The following SLC22A23 variants were observed in gnomAD, a reference collection of about 807,000 sequenced individuals.
The protein encoded by SLC22A23 is solute carrier family 22 member 23, also known as ion transporter protein.
In SLC22A23, 26 loss-of-function variants were observed where a neutral mutation model predicts 61.0. The ratio of observed to expected loss-of-function variants is 0.43; its 90% confidence interval spans 0.31 to 0.59. The LOEUF is 0.59. Ranked by LOEUF, SLC22A23 falls within the 20% of genes least tolerant of loss-of-function variation. SLC22A23 has a pLI of 0.11. For synonymous variants in SLC22A23, 430 were observed against 413.9 expected (o/e 1.04, Z -0.47); for missense variants, 796 against 934.7 (o/e 0.85, Z 1.94).
At chr6:3,418,637 C>T (rs1352129588) in intron 1 of SLC22A23, among the ~76,000 whole-genome samples, 1 of 152,208 alleles carries the variant, frequency 6.6e-6, no homozygotes, top group Non-Finnish European at 1.5e-5. Context: ...CTGGGCTTCC[C>T]CCTGGGGAGG....
rs1054182958 is a variant in SLC22A23, at chr6:3,304,111, C to T, written c.1083-5893G>A. ...TGTTCCCCTTTCTTATCTGGGCCCA[C>T]GGAGCCCTTGCCCTTCAGGAGAAAA... is the stretch of plus-strand genomic sequence containing the variant. On this transcript the variant is annotated intron_variant, in intron 4 of 9. Coordinates refer to ENST00000406686, the MANE Select transcript of SLC22A23 (RefSeq NM_015482.2). The surrounding 1 kb of genome is among the most constrained non-coding windows in gnomAD (Gnocchi z 4.3). 6.6e-5 allele frequency among the ~76,000 whole-genome samples: 10 copies of T among 152,172 alleles called. No individual in the cohort carries two copies. The highest frequency in any genetic ancestry group is 3.9e-4 in the East Asian group (2 of 5,184).
intron 3 of SLC22A23, among the ~76,000 whole-genome samples, chr6:3,361,059 C>G (rs1173923164): frequency 1.7e-5 from 1 of 58,692 alleles, no homozygotes; most frequent in Admixed American, 1.4e-4. Context: ...TTTCTACCCA[C>G]CCCCCCCATT....
intron 4 of SLC22A23, chr6:3,311,527 T>G (rs1266285063): frequency 6.6e-6 from 1 of 152,198 alleles, no homozygotes; most frequent in Non-Finnish European, 1.5e-5. Context: ...CCACTTGGAT[T>G]TTTTAAACGT....
intron 3 of SLC22A23, among the ~76,000 whole-genome samples, chr6:3,378,214 G>A (rs750034933): frequency 7.2e-5 from 11 of 152,134 alleles, no homozygotes; most frequent in East Asian, 3.8e-4. Context: ...GCCTTTGGTC[G>A]TTTTCCCTCC....
At chr6:3,289,570 C>CT (rs1760374553) in intron 6 of SLC22A23, among the ~76,000 whole-genome samples, 194 bp downstream of exon 6, 1 of 152,218 alleles carries the variant, frequency 6.6e-6, no homozygotes, top group Non-Finnish European at 1.5e-5. Flanking sequence ...CACGCCTGGG[C>CT]TGGGGGGCAC....
At chr6:3,369,722 G>C (rs181066185) in intron 3 of SLC22A23, among the ~76,000 whole-genome samples, 1 of 151,410 alleles carries the variant, frequency 6.6e-6, no homozygotes, top group Non-Finnish European at 1.5e-5. Flanking sequence ...ATAAACAAAT[G>C]TTTAGGTTCT....
At chr6:3,379,914 G>A (rs1455851449) in intron 3 of SLC22A23, among the ~76,000 whole-genome samples, 1 of 152,164 alleles carries the variant, frequency 6.6e-6, no homozygotes, top group Non-Finnish European at 1.5e-5. Flanking sequence ...AGGGATCTTA[G>A]AACAGGATCA....
chr6:3,325,931 C>T (rs1470594025), intron 3 of SLC22A23, among the ~76,000 whole-genome samples: 1 of 152,238 alleles, frequency 6.6e-6, no homozygotes, highest in East Asian at 1.9e-4. Flanking sequence ...GTACAGCAGA[C>T]ATATATTGCT....
At chr6:3,424,549 C>T (rs1770355780) in intron 1 of SLC22A23, among the ~76,000 whole-genome samples, 1 of 152,196 alleles carries the variant, frequency 6.6e-6, no homozygotes, top group African/African-American at 2.4e-5. Flanking sequence ...GGTATCCTCT[C>T]CCAAGACCGG....
At chr6:3,346,321 C>A (rs946929223) in intron 3 of SLC22A23, among the ~76,000 whole-genome samples, 1 of 152,154 alleles carries the variant, frequency 6.6e-6, no homozygotes, top group Middle Eastern at 3.2e-3. Context: ...TGCCCCTCTC[C>A]GCACAAAAGC....
chr6:3,317,332 C>T lies in SLC22A23; in HGVS notation c.1082+6502G>A, dbSNP rs6926789. Among the ~76,000 whole-genome samples, 1,263 of 152,332 alleles carry T rather than the reference C, an allele frequency of 8.3e-3. 12 individuals are homozygous for T. Among genetic ancestry groups the T allele is most frequent in the Non-Finnish European group, 0.014 (976 of 68,028 alleles). Reference sequence around the variant, plus strand: ...GCCATGTGCCCAGTGCAGGCTGTGGCCACCTGGAAGGGGCACCTTTCCGCA... The same window carrying T: ...GCCATGTGCCCAGTGCAGGCTGTGGTCACCTGGAAGGGGCACCTTTCCGCA... On this transcript the variant is annotated intron_variant, in intron 4 of 9. Coordinates refer to ENST00000406686, the MANE Select transcript of SLC22A23 (RefSeq NM_015482.2). This position sits in a 1 kb window ranked among gnomAD's most constrained non-coding sequence, Gnocchi z 4.4.
intron 8 of SLC22A23, 134 bp downstream of exon 8, chr6:3,284,945 A>C: frequency 6.5e-7 from 1 of 1,547,534 alleles, no homozygotes; most frequent in Middle Eastern, 1.7e-4. Flanking sequence ...CCTACGGCCA[A>C]CTTCAGCTGC....
chr6:3,349,861 A>G (rs542735075), intron 3 of SLC22A23, among the ~76,000 whole-genome samples: 35 of 152,304 alleles, frequency 2.3e-4, no homozygotes, highest in African/African-American at 8.2e-4. Context: ...TATTGCTCCC[A>G]TCGCTCTCTG....
intron 2 of SLC22A23, among the ~76,000 whole-genome samples, chr6:3,411,449 T>A (rs1769236770): frequency 6.6e-6 from 1 of 151,872 alleles, no homozygotes; most frequent in African/African-American, 2.4e-5. Context: ...AAACAGAAAG[T>A]AGATTTGTGG....
intron 4 of SLC22A23, among the ~76,000 whole-genome samples, chr6:3,314,358 G>A (rs1203140184): frequency 6.6e-6 from 1 of 152,206 alleles, no homozygotes; most frequent in Admixed American, 6.5e-5. Flanking sequence ...GGAGGTGGTA[G>A]TCCCTGTGGC....
intron 3 of SLC22A23, among the ~76,000 whole-genome samples, chr6:3,358,910 GC>G (rs1409651827): frequency 6.6e-6 from 1 of 152,114 alleles, no homozygotes; most frequent in Non-Finnish European, 1.5e-5. Context: ...GGAAGCCCTG[GC>G]TCCCCTCGGG....
chr6:3,362,434 A>AAAAAAAAAAAAAAAAAAAAAAAAAAC (rs1765534333), intron 3 of SLC22A23, among the ~76,000 whole-genome samples: 1 of 125,394 alleles, frequency 8.0e-6, no homozygotes, highest in Non-Finnish European at 1.6e-5. Flanking sequence ...AAAAATAAAA[A>AAAAAAAAAAAAAAAAAAAAAAAAAAC]ATAAAAATTA....
intron 1 of SLC22A23, among the ~76,000 whole-genome samples, chr6:3,416,683 A>C (rs1769729395): frequency 6.6e-6 from 1 of 152,244 alleles, no homozygotes; most frequent in Non-Finnish European, 1.5e-5. Context: ...GGGGCACATA[A>C]GCAGGGTCCC....
intron 3 of SLC22A23, among the ~76,000 whole-genome samples, chr6:3,389,268 CAAAAAAAA>C (rs61020784): frequency 3.4e-4 from 11 of 32,594 alleles, no homozygotes; most frequent in African/African-American, 8.0e-4. Flanking sequence ...AACTCTGTCT[CAAAAAAAA>C]AAAAAAAAAA....
Sources: gnomAD v4.1 joint callset for allele counts (sites outside exome capture counted in the v4.1 genomes callset) on GRCh38, gnomAD v4.1.1 for gene constraint, Gnocchi (gnomAD v3.1) non-coding constraint, MANE v1.5 for transcripts, NCBI Gene and HGNC (gene_info 2026-07-23, HGNC 2026-07-21) for gene names.